Variants in COX6B1 observed in about 807,000 individuals in gnomAD.
COX6B1 encodes the protein COX VIb-1.
Under a neutral mutation model 14.0 loss-of-function variants are expected in COX6B1, and 2 were observed. The observed-to-expected ratio is 0.14, with a 90% CI of 0.06 to 0.45. The LOEUF (loss-of-function observed/expected upper bound fraction) is 0.45, where lower values mean the gene tolerates loss of function less well. Among genes scored for constraint, COX6B1 ranks in the 20% least tolerant of loss-of-function variants. COX6B1 has a pLI of 0.98. For synonymous variants in COX6B1, 30 were observed against 39.7 expected (o/e 0.76, Z 0.92); for missense variants, 81 against 114.2 (o/e 0.71, Z 1.33).
intron 3 of COX6B1, among the ~76,000 whole-genome samples, chr19:35,655,787 C>CTCTCTT (rs1555720383): frequency 6.1e-5 from 9 of 146,646 alleles, no homozygotes; most frequent in Non-Finnish European, 1.2e-4. Flanking sequence ...CTCTCTCTCT[C>CTCTCTT]TTTGTCGCCC....
At chr19:35,650,429 A>G (rs913526051) in intron 1 of COX6B1, among the ~76,000 whole-genome samples, 3 of 152,158 alleles carry the variant, frequency 2.0e-5, no homozygotes, top group African/African-American at 7.2e-5. Context: ...AAACATATTC[A>G]GGCCGGGTTT....
chr19:35,655,539 G>T (rs530797790), intron 3 of COX6B1, among the ~76,000 whole-genome samples: 15 of 151,752 alleles, frequency 9.9e-5, no homozygotes, highest in Non-Finnish European at 1.9e-4. Context: ...TAATGACACA[G>T]TAAGACAGTC....
chr19:35,656,095 G>A (rs60264154), intron 3 of COX6B1, among the ~76,000 whole-genome samples: 15,425 of 152,064 alleles, frequency 0.1, 893 homozygotes, highest in East Asian at 0.13. Context: ...CTCCCAAAGC[G>A]CTGGGATTAT....
At chr19:35,656,202 A>G (rs1967887775) in intron 3 of COX6B1, among the ~76,000 whole-genome samples, 1 of 152,236 alleles carries the variant, frequency 6.6e-6, no homozygotes, top group Non-Finnish European at 1.5e-5. Flanking sequence ...AAAAATCTTC[A>G]TGTACAAAGA....
At chr19:35,648,573 T>C (rs2146368462) in intron 1 of COX6B1, 170 bp downstream of exon 1, 2 of 336,718 alleles carry the variant, frequency 5.9e-6, no homozygotes, top group Non-Finnish European at 1.2e-5. Flanking sequence ...CGGTTCTTCC[T>C]TGATGCCAGG....
In COX6B1 at chr19:35,650,551, C is replaced by T. The variant is rs1197711804; in HGVS notation, c.-11-682C>T. 3.3e-5 allele frequency among the ~76,000 whole-genome samples: 5 copies of T among 151,812 alleles called. No homozygotes were observed. The South Asian group carries it at 1.0e-3, about 32-fold the overall frequency. On this transcript the variant is annotated intron_variant, in intron 1 of 3. Coordinates refer to ENST00000649813, the MANE Select transcript of COX6B1 (RefSeq NM_001863.5). ...ACATGGTAAAACCTTGTCTAAAATA[C>T]AAAAAAATTAGCAGGGCATGGTGGC... is the stretch of plus-strand genomic sequence containing the variant.
chr19:35,650,773 C>T (rs1484170604), intron 1 of COX6B1, among the ~76,000 whole-genome samples: 1 of 151,882 alleles, frequency 6.6e-6, no homozygotes, highest in African/African-American at 2.4e-5. Context: ...GTTTGTGGCA[C>T]CAAAAAGATT....
At chr19:35,653,366 G>A (rs1416832401) in intron 2 of COX6B1, among the ~76,000 whole-genome samples, 38 of 150,586 alleles carry the variant, frequency 2.5e-4, no homozygotes, top group African/African-American at 9.0e-4. Context: ...TCCGCCTCCC[G>A]GGTTTAAGCA....
intron 2 of COX6B1, among the ~76,000 whole-genome samples, chr19:35,653,954 T>G (rs1967859713): frequency 6.6e-6 from 1 of 152,120 alleles, no homozygotes; most frequent in Non-Finnish European, 1.5e-5. Context: ...TCCACCTGCC[T>G]TAGCTTCCCA....
chr19:35,653,105 T>A (rs1967847956), intron 2 of COX6B1, among the ~76,000 whole-genome samples: 1 of 150,634 alleles, frequency 6.6e-6, no homozygotes, highest in Non-Finnish European at 1.5e-5. Context: ...GTAGCTGGGA[T>A]TACAGTCGCC....
rs369954251 is a variant in COX6B1 at position 35,650,594 on chromosome 19, G to A, written c.-11-639G>A. Among the ~76,000 whole-genome samples the A allele has an allele frequency of 4.6e-5, 7 of 152,146 alleles. 1 individual carries two copies. Among genetic ancestry groups the A allele is most frequent in the African/African-American group, 1.7e-4 (7 of 41,506 alleles). On this transcript the variant is annotated intron_variant, in intron 1 of 3. Transcript: ENST00000649813. The stretch of plus-strand genomic sequence containing the variant: ...ATGGTGGCAGGCGCCTGTAATCTCA[G>A]CTGTTCGGGAGGCTGAGGCAACAGA...
intron 1 of COX6B1, among the ~76,000 whole-genome samples, chr19:35,649,479 A>ATTTT (rs59460933): frequency 1.5e-5 from 2 of 135,140 alleles, no homozygotes; most frequent in Non-Finnish European, 3.2e-5. Context: ...GCTAATTTTA[A>ATTTT]TTTTTTTTTT....
At position 35,654,659 on chromosome 19, in the gene COX6B1, C is replaced by T. The variant is rs1411511046; in HGVS notation, c.195C>T (p.Cys65=). The T allele has an allele frequency of 6.2e-6, 10 of 1,614,026 alleles. No individual in the cohort carries two copies. The highest frequency in any genetic ancestry group is 7.6e-6 in the Non-Finnish European group (9 of 1,180,008). Residue 65 remains cysteine, a synonymous_variant, in exon 3 of 4, where the codon TGC becomes TGT. Coordinates refer to ENST00000649813, the MANE Select transcript of COX6B1 (RefSeq NM_001863.5). The part of the protein sequence containing the change: ...EWYQRVYQSL[C]PTSWVTDWDE... ...ACCAGCGTGTGTACCAGTCCCTCTG[C>T]CCCACATCCTGGGTATGTGCCTCCT...
intron 2 of COX6B1, among the ~76,000 whole-genome samples, chr19:35,654,270 C>A (rs995698654): frequency 6.6e-6 from 1 of 152,160 alleles, no homozygotes; most frequent in Non-Finnish European, 1.5e-5. Context: ...CGCCTGTAAT[C>A]CTAGCACTTT....
At chr19:35,652,610 A>AT (rs34354660) in intron 2 of COX6B1, among the ~76,000 whole-genome samples, 26,003 of 126,130 alleles carry the variant, frequency 0.21, 2,428 homozygotes, top group Middle Eastern at 0.38. Flanking sequence ...AATTTTTTGT[A>AT]TTTTTTTTTT....
At chr19:35,654,213 G>T (rs1485693236) in intron 2 of COX6B1, among the ~76,000 whole-genome samples, 1 of 152,162 alleles carries the variant, frequency 6.6e-6, no homozygotes, top group African/African-American at 2.4e-5. Flanking sequence ...AAATGGTGTG[G>T]CTGTAAACAT....
chr19:35,656,378 G>A (rs1599623419), intron 3 of COX6B1, among the ~76,000 whole-genome samples: 1 of 151,940 alleles, frequency 6.6e-6, no homozygotes, highest in Admixed American at 6.6e-5. Flanking sequence ...TATAGTAGGA[G>A]TCAATTTGCA....
chr19:35,648,418 T>C lies in COX6B1; in HGVS notation c.-12+15T>C, dbSNP rs1967785508. On this transcript the variant is annotated intron_variant, in intron 1 of 3. Transcript: ENST00000649813. The stretch of plus-strand genomic sequence containing the variant: ...GGTGCCTTTAGGTGAGTGTGGAGGG[T>C]TCTGTAACCTGGGACCCCAGTCTAG... The C allele has an allele frequency of 1.0e-5, 2 of 196,594 alleles. No homozygotes were observed. The highest frequency in any genetic ancestry group is 1.4e-4 in the South Asian group (2 of 14,802). 12.2% of individuals were successfully genotyped at this position (196,594 alleles called of 1,614,324 possible). A position where few individuals can be genotyped will look rare whatever the true frequency, so the allele number is the denominator to read the frequency against.
At chr19:35,648,544 G>C (rs1187610586) in intron 1 of COX6B1, 141 bp downstream of exon 1, 1 of 311,944 alleles carries the variant, frequency 3.2e-6, no homozygotes, top group South Asian at 2.5e-5. Flanking sequence ...TCTGTTCATC[G>C]TAAGAGCTAA....
Sources: gnomAD v4.1 joint callset for allele counts (sites outside exome capture counted in the v4.1 genomes callset) on GRCh38, gnomAD v4.1.1 for gene constraint, MANE v1.5 for transcripts, NCBI Gene and HGNC (gene_info 2026-07-23, HGNC 2026-07-21) for gene names.